Variants in NAV3 observed in about 807,000 individuals in gnomAD.
NAV3 encodes the protein neuron navigator 3.
Under a neutral mutation model 244.7 loss-of-function variants are expected in NAV3, and 87 were observed. That is an observed-to-expected ratio of 0.36 (90% CI 0.30 to 0.42). The LOEUF is 0.42. Among genes scored for constraint, NAV3 ranks in the 20% least tolerant of loss-of-function variants. NAV3 has a pLI of 1.00. For synonymous variants in NAV3, 1,126 were observed against 1,042.2 expected (o/e 1.08, Z -1.55); for missense variants, 2,663 against 2,893.3 (o/e 0.92, Z 1.83).
chr12:77,673,902 A>G (rs1874096134), intron 2 of NAV3, among the ~76,000 whole-genome samples: 1 of 152,128 alleles, frequency 6.6e-6, no homozygotes, highest in African/African-American at 2.4e-5. Flanking sequence ...TTTTTAAACC[A>G]AATGAACAAG....
At chr12:78,086,051 A>G (rs898905231) in intron 12 of NAV3, among the ~76,000 whole-genome samples, 2 of 152,072 alleles carry the variant, frequency 1.3e-5, no homozygotes, top group Admixed American at 1.3e-4. Context: ...AAGATTGGGT[A>G]AGTTACTTCA....
rs1309081782 is a variant in NAV3 at position 78,014,917 on chromosome 12, C to T, written c.1908-6830C>T. On this transcript the variant is annotated intron_variant, in intron 8 of 39. Transcript: ENST00000397909. ...TTATTGAATGCTTGGCTTGCAAGCT[C>T]GTCTTTTGCTAGGTTTGATATGTAT... is the stretch of plus-strand genomic sequence containing the variant. 5.9e-5 allele frequency among the ~76,000 whole-genome samples: 9 copies of T among 152,106 alleles called. No individual in the cohort carries two copies. The East Asian group carries it at 1.4e-3, about 23-fold the overall frequency.
intron 22 of NAV3, among the ~76,000 whole-genome samples, chr12:78,155,043 C>A (rs982852422): frequency 6.6e-6 from 1 of 151,924 alleles, no homozygotes; most frequent in African/African-American, 2.4e-5. Flanking sequence ...TAAGTTCTGG[C>A]GTACATGGGC....
At chr12:78,195,804 A>G (rs567535891) in intron 34 of NAV3, among the ~76,000 whole-genome samples, 2 of 152,002 alleles carry the variant, frequency 1.3e-5, no homozygotes, top group Non-Finnish European at 2.9e-5. Context: ...CATATCTCAT[A>G]ATATATTTAT....
At position 78,177,193 on chromosome 12, in the gene NAV3, C is replaced by T; in HGVS notation, c.5177C>T (p.Pro1726Leu). 6.2e-7 allele frequency: 1 copy of T among 1,613,512 alleles called. No individual in the cohort carries two copies. The change falls in exon 27 of 40, where the codon CCT (proline) becomes CTT (leucine). Residue 1726 changes from proline to leucine, a missense_variant. Pro to Leu is a moderately conservative substitution (Grantham distance 98, BLOSUM62 -3). This residue lies in a region of NAV3 where 193 missense variants were observed against 200.7 expected (regional missense o/e 0.96). Coordinates refer to ENST00000397909, the MANE Select transcript of NAV3 (RefSeq NM_001024383.2). ...GGGAAGAAAAAGTCCACCAAGCCTC[C>T]TTCATCACATTCTGACATTGAAGAG... is the stretch of plus-strand genomic sequence containing the variant. ...AFGKKKSTKP[P>L]SSHSDIEELT...
At chr12:77,766,735 G>GTTTTTTTTTTTTTTTTTTTTTTTT (rs748531378) in intron 2 of NAV3, among the ~76,000 whole-genome samples, 4 of 60,512 alleles carry the variant, frequency 6.6e-5, no homozygotes, top group Admixed American at 2.4e-4. Flanking sequence ...AGGCAATTAA[G>GTTTTTTTTTTTTTTTTTTTTTTTT]TTTTTTTTTT....
chr12:77,710,192 C>A (rs953792796), intron 2 of NAV3, among the ~76,000 whole-genome samples: 1 of 152,158 alleles, frequency 6.6e-6, no homozygotes. Context: ...AACTTCAAAT[C>A]ATTAAAAGGT....
At chr12:78,032,468 A>C (rs1386830316) in intron 9 of NAV3, among the ~76,000 whole-genome samples, 2 of 152,192 alleles carry the variant, frequency 1.3e-5, no homozygotes, top group Admixed American at 6.5e-5. Flanking sequence ...TTTCAATTTG[A>C]ATATTCTTCA....
At chr12:78,191,669 C>G (rs959236170) in intron 34 of NAV3, among the ~76,000 whole-genome samples, 21 of 152,102 alleles carry the variant, frequency 1.4e-4, no homozygotes, top group Admixed American at 5.9e-4. Flanking sequence ...CTTCTCTGAG[C>G]AAAAGTAGGA....
intron 9 of NAV3, among the ~76,000 whole-genome samples, chr12:78,046,900 T>G (rs1881888961): frequency 6.6e-6 from 1 of 152,196 alleles, no homozygotes; most frequent in African/African-American, 2.4e-5. Context: ...ACTTGCTTTA[T>G]GAATCTGGGT....
chr12:77,978,864 G>A (rs1380442244), intron 5 of NAV3, among the ~76,000 whole-genome samples: 1 of 151,656 alleles, frequency 6.6e-6, no homozygotes, highest in African/African-American at 2.4e-5. Context: ...AATAACGATT[G>A]ACTGTATTCA....
At chr12:77,895,931 C>T (rs1426721971) in intron 1 of NAV3, among the ~76,000 whole-genome samples, 1 of 124,604 alleles carries the variant, frequency 8.0e-6, no homozygotes, top group African/African-American at 3.1e-5. Context: ...GCCATTTAGA[C>T]TGCCTTTTGA....
intron 18 of NAV3, among the ~76,000 whole-genome samples, chr12:78,135,038 A>T (rs538287989): frequency 1.3e-5 from 2 of 152,332 alleles, no homozygotes; most frequent in East Asian, 3.9e-4. Context: ...AGTCATAAAA[A>T]AACTGAAGGG....
chr12:77,639,885 G>A (rs1320940528), intron 2 of NAV3, among the ~76,000 whole-genome samples: 1 of 152,182 alleles, frequency 6.6e-6, no homozygotes. Flanking sequence ...TCTGACTGGA[G>A]GCCTAAAAAG....
chr12:78,130,245 A>AG (rs1265533129), intron 18 of NAV3: 3 of 156,064 alleles, frequency 1.9e-5, no homozygotes, highest in African/African-American at 7.2e-5. Context: ...CTAACTCCTT[A>AG]GGGACACAAG....
intron 12 of NAV3, among the ~76,000 whole-genome samples, chr12:78,109,757 A>G (rs1173636957): frequency 6.6e-6 from 1 of 151,818 alleles, no homozygotes; most frequent in African/African-American, 2.4e-5. Context: ...TCTCTTCATG[A>G]AAAAAAACTC....
At chr12:77,926,505 G>C (rs1201843711) in intron 1 of NAV3, among the ~76,000 whole-genome samples, 1 of 151,270 alleles carries the variant, frequency 6.6e-6, no homozygotes, top group Non-Finnish European at 1.5e-5. Flanking sequence ...GATAGATATA[G>C]ATATAGATAT....
chr12:77,723,670 A>G lies in NAV3; in HGVS notation c.72+151404A>G, dbSNP rs148336722. Among the ~76,000 whole-genome samples the G allele has an allele frequency of 2.7e-3, 404 of 150,938 alleles. 1 individual carries two copies. The highest frequency in any genetic ancestry group is 4.7e-3 in the Non-Finnish European group (320 of 67,766). On this transcript the variant is annotated intron_variant, in intron 2 of 8. Coordinates refer to the NAV3 transcript ENST00000550042. ...TGGTCATGAAAATAAAGGAGGGTCAATTGGAAGATCCTGATCCATAGTTAG... is the reference window on the plus strand; with the variant it reads ...TGGTCATGAAAATAAAGGAGGGTCAGTTGGAAGATCCTGATCCATAGTTAG...
chr12:77,777,161 T>A (rs898483254), intron 2 of NAV3, among the ~76,000 whole-genome samples: 3 of 152,106 alleles, frequency 2.0e-5, no homozygotes, highest in Non-Finnish European at 2.9e-5. Context: ...ATATATTTGC[T>A]TTTTGTTTTC....
Sources: allele counts gnomAD v4.1 joint callset (sites outside exome capture counted in the v4.1 genomes callset), GRCh38; gene constraint gnomAD v4.1.1; regional missense constraint gnomAD v4.1.1; transcripts MANE v1.5; gene names NCBI Gene and HGNC (gene_info 2026-07-23, HGNC 2026-07-21).